The following PIWIL4 variants were observed in gnomAD, a reference collection of about 807,000 sequenced individuals.
PIWIL4 encodes the protein piwi-like protein 4.
In PIWIL4, 50 loss-of-function variants were observed where a neutral mutation model predicts 100.9. The ratio of observed to expected loss-of-function variants is 0.50; its 90% CI spans 0.39 to 0.63. The LOEUF (loss-of-function observed/expected upper bound fraction) is 0.63, where lower values mean the gene tolerates loss of function less well. Ranked by LOEUF, PIWIL4 falls within the 20% of genes least tolerant of loss-of-function variation. PIWIL4 has a pLI of 0.00. For synonymous variants in PIWIL4, 342 were observed against 367.5 expected (o/e 0.93, Z 0.79); for missense variants, 887 against 1,043.3 (o/e 0.85, Z 2.06).
chr11:94,593,646 T>C lies in PIWIL4; in HGVS notation c.1150+5T>C, dbSNP rs769054444. 5.6e-6 allele frequency: 9 copies of C among 1,613,324 alleles called. No homozygotes were observed. In the African/African-American group the frequency reaches 1.1e-4, roughly 19 times the overall value. ...CTGAGCTCTGCTTTCTAACAGGTAATGTTTGTGTTTTATACCTCTGTCAGG... is the reference window on the plus strand; with the variant it reads ...CTGAGCTCTGCTTTCTAACAGGTAACGTTTGTGTTTTATACCTCTGTCAGG... On this transcript the variant is annotated splice_donor_5th_base_variant and intron_variant, in intron 9 of 19. Coordinates refer to ENST00000299001, the MANE Select transcript of PIWIL4 (RefSeq NM_152431.3).
intron 8 of PIWIL4, among the ~76,000 whole-genome samples, chr11:94,593,129 A>G (rs1565276163): frequency 6.6e-6 from 1 of 152,194 alleles, no homozygotes; most frequent in African/African-American, 2.4e-5. Flanking sequence ...TTCAAAATGA[A>G]TATAGATGTT....
At position 94,621,237 on chromosome 11, in the gene PIWIL4, ATC is replaced by A. The variant is rs1403157291; in HGVS notation, c.*247_*248del. The A allele has an allele frequency of 2.4e-6, 1 of 422,346 alleles. No individual in the cohort carries two copies. Among genetic ancestry groups the A allele is most frequent in the Non-Finnish European group, 4.3e-6 (1 of 235,224 alleles). The allele number at this position is 422,346 out of a possible 1,614,324, so 26.2% of individuals were successfully genotyped here. On this transcript the variant is annotated 3_prime_UTR_variant, in exon 20 of 20. Transcript: ENST00000299001. ...ATATGTGGAATTTAAATATACCATC[ATC>A]TACAAAGAATTCCACAGAGTTAAAT... is the stretch of plus-strand genomic sequence containing the variant.
intron 19 of PIWIL4, 70 bp from the exon 20 acceptor site, chr11:94,620,806 A>G: frequency 8.2e-7 from 1 of 1,219,524 alleles, no homozygotes; most frequent in Non-Finnish European, 1.2e-6. Context: ...TAGACAAAGT[A>G]AAATCAGAAA....
At chr11:94,604,141 A>T in intron 13 of PIWIL4, 85 bp downstream of exon 13, 4 of 743,878 alleles carry the variant, frequency 5.4e-6, no homozygotes, top group Non-Finnish European at 8.3e-6. Flanking sequence ...CCCTCCCATG[A>T]TATATTTGCA....
intron 10 of PIWIL4, among the ~76,000 whole-genome samples, chr11:94,597,399 T>C (rs1348468457): frequency 6.6e-6 from 1 of 152,242 alleles, no homozygotes; most frequent in Non-Finnish European, 1.5e-5. Context: ...CCAGGGACTG[T>C]GGTGAGCACT....
chr11:94,592,305 G>T lies in PIWIL4; in HGVS notation c.1027-1213G>T, dbSNP rs536732357. On this transcript the variant is annotated intron_variant, in intron 8 of 19. Transcript: ENST00000299001. The stretch of plus-strand genomic sequence containing the variant: ...GACAATAATAGTATCTCTTTCATCA[G>T]TTTGTTGTGCTTTATCGTGCTTTGT... Among the ~76,000 whole-genome samples, 7 of 152,322 alleles carry T rather than the reference G, an allele frequency of 4.6e-5. No homozygotes were observed. The East Asian group carries it at 1.3e-3, about 29-fold the overall frequency.
intron 6 of PIWIL4, 134 bp downstream of exon 6, chr11:94,585,659 T>TTTGGTAAATA: frequency 1.6e-6 from 1 of 627,042 alleles, no homozygotes; most frequent in Non-Finnish European, 2.5e-6. Context: ...TTTTATAATT[T>TTTGGTAAATA]TCAAGTTTTT....
rs1948741901 is a variant in PIWIL4 at position 94,607,917 on chromosome 11, T to G, written c.1839+278T>G. Among the ~76,000 whole-genome samples the G allele has an allele frequency of 2.0e-5, 3 of 152,114 alleles. No individual in the cohort carries two copies. The South Asian group carries it at 6.2e-4, about 31-fold the overall frequency. ...TGTGTTCCATTGCCTCCACATTTAC[T>G]TGCTTTCATCAGGGTGCTAACTCTG... On this transcript the variant is annotated intron_variant, in intron 14 of 19. Transcript: ENST00000299001.
intron 15 of PIWIL4, among the ~76,000 whole-genome samples, chr11:94,612,368 GCT>G (rs1948797450): frequency 2.7e-5 from 4 of 146,750 alleles, no homozygotes; most frequent in Admixed American, 2.7e-4. Context: ...AGCTACCCCT[GCT>G]CTCTATTGGT....
chr11:94,567,555 G>A lies in PIWIL4; in HGVS notation c.37G>A (p.Ala13Thr), dbSNP rs754765445. 5.0e-5 allele frequency: 81 copies of A among 1,605,746 alleles called. No individual in the cohort carries two copies. Among genetic ancestry groups the A allele is most frequent in the Non-Finnish European group, 6.6e-5 (78 of 1,176,464 alleles). ...GRARVKARGI[A>T]RSPSATEVGR... is the part of the protein sequence containing the mutation. Reference sequence around the variant, plus strand: ...AGCCCGAGTGAAGGCCAGAGGCATCGCCCGCAGCCCCAGTGCCACAGAAGT... The same window carrying A: ...AGCCCGAGTGAAGGCCAGAGGCATCACCCGCAGCCCCAGTGCCACAGAAGT... The change falls in exon 1 of 20, where the codon GCC becomes ACC. Residue 13 changes from alanine to threonine, a missense_variant. Transcript: ENST00000299001.
chr11:94,589,303 C>T, intron 8 of PIWIL4, 71 bp downstream of exon 8: 1 of 1,320,054 alleles, frequency 7.6e-7, no homozygotes, highest in South Asian at 1.3e-5. Context: ...TTCCAAGTCT[C>T]AGAGGTCCCC....
chr11:94,608,808 A>AG (rs1948755443), intron 15 of PIWIL4, 122 bp downstream of exon 15: 12 of 813,152 alleles, frequency 1.5e-5, no homozygotes, highest in Middle Eastern at 4.7e-4. Context: ...ACCAACATTT[A>AG]GGTTCATAAA....
At chr11:94,583,875 T>C (rs1192381707) in intron 5 of PIWIL4, among the ~76,000 whole-genome samples, 1 of 152,232 alleles carries the variant, frequency 6.6e-6, no homozygotes, top group Non-Finnish European at 1.5e-5. Context: ...TCTGTGTCTT[T>C]TCCCAGACTT....
Position 94,616,564 on chromosome 11 carries a change from G to A in PIWIL4, c.2014+1G>A. 1 of 1,601,568 alleles carries A rather than the reference G, an allele frequency of 6.2e-7. No homozygotes were observed. Among genetic ancestry groups the A allele is most frequent in the East Asian group, 2.2e-5 (1 of 44,678 alleles). On this transcript the variant is annotated splice_donor_variant, in intron 16 of 19. Transcript: ENST00000299001. LOFTEE classifies it high-confidence loss of function. ...GATTGCTTGAAAGTTTTCATGACTG[G>A]TACTAAAAATATAGCAATGTGGGTG...
chr11:94,568,705 AC>A, intron 1 of PIWIL4, 24 bp from the exon 2 acceptor site: 3 of 1,543,966 alleles, frequency 1.9e-6, no homozygotes, highest in Non-Finnish European at 2.7e-6. Flanking sequence ...GTAAATCTGA[AC>A]AAAACTTTTT....
rs1367931776 is a variant in PIWIL4 at position 94,607,478 on chromosome 11, G to A, written c.1678G>A (p.Asp560Asn). ...ILPSNQKTYY[D>N]SIKKYLSSDC... is the part of the protein sequence containing the mutation. ...GCCTTCTAATCAGAAGACCTATTAT[G>A]ATTCCATTAAAAAATATTTGAGCTC... The change falls in exon 14 of 20, where the codon GAT becomes AAT. Residue 560 changes from aspartate (D) to asparagine (N), a missense_variant. Asp to Asn is a conservative substitution (Grantham distance 23). Coordinates refer to ENST00000299001, the MANE Select transcript of PIWIL4 (RefSeq NM_152431.3). 1.2e-6 allele frequency: 2 copies of A among 1,613,856 alleles called. No individual in the cohort carries two copies. Among genetic ancestry groups the A allele is most frequent in the African/African-American group, 2.7e-5 (2 of 74,888 alleles).
At chr11:94,607,143 T>A (rs1168139347) in intron 13 of PIWIL4, among the ~76,000 whole-genome samples, 3 of 151,590 alleles carry the variant, frequency 2.0e-5, no homozygotes, top group African/African-American at 7.3e-5. Flanking sequence ...TTTGAGGGAA[T>A]TGACAGAATC....
At chr11:94,605,574 A>C (rs1223282538) in intron 13 of PIWIL4, among the ~76,000 whole-genome samples, 2 of 152,186 alleles carry the variant, frequency 1.3e-5, no homozygotes, top group East Asian at 3.8e-4. Flanking sequence ...GAGACTATAT[A>C]AATAATCCTG....
In PIWIL4 at chr11:94,616,468, C is replaced by CT. The variant is rs753912924; in HGVS notation, c.1944-21dup. ...GTAGAAAAATTGAAGTTGAATTTTA[C>CT]TTTTATTTTTTTTTTTAACTTTAGG... On this transcript the variant is annotated intron_variant, in intron 15 of 19. Coordinates refer to ENST00000299001, the MANE Select transcript of PIWIL4 (RefSeq NM_152431.3). 8 of 1,541,462 alleles carry CT rather than the reference C, an allele frequency of 5.2e-6. No homozygotes were observed. In the East Asian group the frequency reaches 9.1e-5, roughly 17 times the overall value.
Sources: gnomAD v4.1 joint callset for allele counts (sites outside exome capture counted in the v4.1 genomes callset) on GRCh38, gnomAD v4.1.1 for gene constraint, MANE v1.5 for transcripts, NCBI Gene and HGNC (gene_info 2026-07-23, HGNC 2026-07-21) for gene names.